COL4A6: variants seen among roughly 807,000 people sequenced by gnomAD.
COL4A6 encodes collagen alpha-6(IV) chain.
A neutral mutation model predicts 126.7 loss-of-function variants in COL4A6; 59 were observed. That is an observed-to-expected ratio of 0.47 (90% CI 0.38 to 0.58). The LOEUF is 0.58. COL4A6 is among the 20% of genes least tolerant of loss of function. The pLI, the probability that COL4A6 is intolerant of heterozygous loss-of-function variation, is 0.00. For synonymous variants in COL4A6, 547 were observed against 496.6 expected, an observed-to-expected ratio of 1.10 and a Z score of -1.35; for missense variants, 1,285 against 1,337.3, an observed-to-expected ratio of 0.96 and a Z score of 0.61.
chrX:108,375,757 C>T (rs1457403909), intron 2 of COL4A6, among the ~76,000 whole-genome samples: 37 of 108,860 alleles, frequency 3.4e-4, no homozygotes, highest in Non-Finnish European at 1.3e-4. Context: ...GAATAATCTC[C>T]GTTTTGATAA....
intron 3 of COL4A6, among the ~76,000 whole-genome samples, chrX:108,255,104 C>T (rs1374218990): frequency 2.9e-5 from 3 of 102,576 alleles, no homozygotes; most frequent in Non-Finnish European, 5.9e-5. Context: ...GAAGGCTCTA[C>T]CCATCTTGAG....
intron 2 of COL4A6, among the ~76,000 whole-genome samples, chrX:108,379,736 G>T (rs2040524155): frequency 9.1e-6 from 1 of 109,812 alleles, no homozygotes; most frequent in Non-Finnish European, 1.9e-5. Context: ...ACAGCTGATG[G>T]AGACATACTA....
intron 2 of COL4A6, among the ~76,000 whole-genome samples, chrX:108,424,548 A>G (rs766161965): frequency 2.7e-5 from 3 of 110,846 alleles, no homozygotes; most frequent in African/African-American, 9.9e-5. Context: ...TTCCCTAACT[A>G]CAATCCATAT....
intron 2 of COL4A6, among the ~76,000 whole-genome samples, chrX:108,392,353 A>T (rs2040856707): frequency 1.8e-5 from 2 of 111,063 alleles, no homozygotes; most frequent in Admixed American, 9.6e-5. Flanking sequence ...AATATTTGCA[A>T]ATCATCTATC....
chrX:108,253,253 G>C (rs1019757366), intron 3 of COL4A6, among the ~76,000 whole-genome samples: 1 of 111,678 alleles, frequency 9.0e-6, no homozygotes, highest in African/African-American at 3.2e-5. Context: ...AAAAACCATA[G>C]AGACTCCACT....
chrX:108,391,861 T>C (rs758375315), intron 2 of COL4A6, among the ~76,000 whole-genome samples: 1 of 112,296 alleles, frequency 8.9e-6, no homozygotes, highest in Non-Finnish European at 1.9e-5. Flanking sequence ...CCAGTCCCAA[T>C]GAGATGAACC....
intron 3 of COL4A6, chrX:108,267,506 G>A (rs998061410): frequency 1.8e-5 from 2 of 112,401 alleles, no homozygotes; most frequent in Admixed American, 9.4e-5. Context: ...CCCACAGCAC[G>A]TAAAGTACTT....
chrX:108,206,171 G>C (rs899642195), intron 9 of COL4A6, among the ~76,000 whole-genome samples: 1 of 111,396 alleles, frequency 9.0e-6, no homozygotes, highest in African/African-American at 3.3e-5. Flanking sequence ...CAGTATTCAG[G>C]GTGGGTGATA....
chrX:108,341,943 AC>A (rs371267240), intron 2 of COL4A6, among the ~76,000 whole-genome samples: 26 of 112,455 alleles, frequency 2.3e-4, no homozygotes, highest in African/African-American at 8.1e-4. Flanking sequence ...GCCAGTCCAG[AC>A]AGTAACCCAA....
chrX:108,179,349 C>T lies in COL4A6; in HGVS notation c.2221G>A (p.Gly741Ser). 1 of 1,211,491 alleles carries T rather than the reference C, an allele frequency of 8.3e-7. No individual in the cohort carries two copies. Among genetic ancestry groups the T allele is most frequent in the Non-Finnish European group, 1.1e-6 (1 of 895,440 alleles). The change falls in exon 26 of 45, where the codon GGC becomes AGC. Residue 741 changes from glycine (G) to serine (S), a missense_variant. Coordinates refer to ENST00000334504, the MANE Select transcript of COL4A6 (RefSeq NM_033641.4). ...DGLPGMIGSP[G>S]LPGSKGATGD... ...GTGGCTCCCTTGGAACCAGGTAAGC[C>T]TGGACTGCCAATCATCCCAGGCAAG...
At chrX:108,271,672 T>C (rs891855155) in intron 3 of COL4A6, among the ~76,000 whole-genome samples, 3 of 110,545 alleles carry the variant, frequency 2.7e-5, no homozygotes, top group Non-Finnish European at 1.9e-5. Flanking sequence ...ACACAAATCA[T>C]AACCAGATAT....
At chrX:108,281,585 G>T (rs1294094727) in intron 3 of COL4A6, among the ~76,000 whole-genome samples, 2 of 111,754 alleles carry the variant, frequency 1.8e-5, no homozygotes, top group Non-Finnish European at 3.8e-5. Flanking sequence ...GCAATTTATA[G>T]ATTCAATGCC....
chrX:108,237,892 ATC>A lies in COL4A6; in HGVS notation c.145-16520_145-16519del, dbSNP rs2036472222. 4.7e-5 allele frequency among the ~76,000 whole-genome samples: 5 copies of A among 106,024 alleles called. No individual in the cohort carries two copies. In the South Asian group the frequency reaches 2.2e-3, roughly 46 times the overall value. 92.1% of individuals were successfully genotyped at this position (106,024 alleles called of 115,157 possible). On this transcript the variant is annotated intron_variant, in intron 3 of 44. Coordinates refer to ENST00000334504, the MANE Select transcript of COL4A6 (RefSeq NM_033641.4). ...TATCTATCTATCTATCTATCTATCT[ATC>A]TATCTATCTATCTATGTATCATTTA...
intron 13 of COL4A6, among the ~76,000 whole-genome samples, chrX:108,198,565 C>A: frequency 8.9e-6 from 1 of 111,753 alleles, no homozygotes; most frequent in East Asian, 2.8e-4. Context: ...TAGGGAGGCA[C>A]TGTACAGGGA....
intron 2 of COL4A6, among the ~76,000 whole-genome samples, chrX:108,363,568 G>A (rs1390396861): frequency 1.8e-5 from 2 of 111,996 alleles, no homozygotes; most frequent in Admixed American, 9.4e-5. Flanking sequence ...TGGTTGTCCA[G>A]ACCCCTAAGC....
At chrX:108,300,027 C>T in intron 3 of COL4A6, among the ~76,000 whole-genome samples, 1 of 111,716 alleles carries the variant, frequency 9.0e-6, no homozygotes, top group South Asian at 3.8e-4. Flanking sequence ...TCTTTCAGGA[C>T]CCTTTGAGTT....
chrX:108,343,156 TATATATATA>T (rs1471613434), intron 2 of COL4A6, among the ~76,000 whole-genome samples: 10 of 74,039 alleles, frequency 1.4e-4, no homozygotes, highest in East Asian at 4.1e-4. Context: ...TATATATATA[TATATATATA>T]GTGTGTGTGT....
intron 8 of COL4A6, among the ~76,000 whole-genome samples, chrX:108,209,651 C>T (rs902417666): frequency 2.7e-5 from 3 of 111,801 alleles, no homozygotes; most frequent in African/African-American, 6.5e-5. Flanking sequence ...TCACAGCACT[C>T]GACAAACAGA....
intron 2 of COL4A6, among the ~76,000 whole-genome samples, chrX:108,364,163 C>T (rs919868588): frequency 7.2e-5 from 8 of 111,090 alleles, no homozygotes; most frequent in African/African-American, 2.0e-4. Flanking sequence ...TGAGCCACCA[C>T]GACTGGCCCA....
Sources: gnomAD v4.1 joint callset for allele counts (sites outside exome capture counted in the v4.1 genomes callset) on GRCh38, gnomAD v4.1.1 for gene constraint, MANE v1.5 for transcripts, NCBI Gene and HGNC (gene_info 2026-07-23, HGNC 2026-07-21) for gene names.